The following GPC5 variants were observed in gnomAD, a reference collection of about 807,000 sequenced individuals.
GPC5 encodes the protein glypican-5.
GPC5 carries 47 observed loss-of-function variants against 53.9 expected under a neutral mutation model. That is an observed-to-expected ratio of 0.87 (90% confidence interval 0.69 to 1.11). GPC5 has a LOEUF of 1.11. GPC5 is among the 50% of genes most tolerant of loss of function. The pLI is 0.00. For synonymous variants in GPC5, 286 were observed against 263.3 expected (o/e 1.09, Z -0.84); for missense variants, 748 against 713.1 (o/e 1.05, Z -0.56).
intron 5 of GPC5, among the ~76,000 whole-genome samples, chr13:91,825,034 T>A (rs1438098498): frequency 6.6e-6 from 1 of 151,946 alleles, no homozygotes; most frequent in African/African-American, 2.4e-5. Flanking sequence ...ATCTCAACCA[T>A]GAAATTATAC....
intron 7 of GPC5, among the ~76,000 whole-genome samples, chr13:92,177,210 G>A (rs2042114900): frequency 6.6e-6 from 1 of 152,170 alleles, no homozygotes; most frequent in African/African-American, 2.4e-5. Context: ...ACTTGTATCA[G>A]AACATGTTGT....
intron 7 of GPC5, among the ~76,000 whole-genome samples, chr13:92,260,198 G>C (rs2042756306): frequency 6.6e-6 from 1 of 152,122 alleles, no homozygotes; most frequent in Admixed American, 6.6e-5. Context: ...TGGGTATGGG[G>C]AGGATGCTAA....
chr13:91,587,220 A>G (rs1466155852), intron 2 of GPC5, among the ~76,000 whole-genome samples: 1 of 152,172 alleles, frequency 6.6e-6, no homozygotes. Flanking sequence ...TGTTATTTTA[A>G]GATGAAATGA....
rs150024252 is a variant in GPC5, at chr13:92,752,449, A to G, written c.1562-113833A>G. 2.0e-3 allele frequency among the ~76,000 whole-genome samples: 301 copies of G among 152,310 alleles called. 4 individuals carry two copies. The East Asian group carries it at 0.03, about 15-fold the overall frequency. On this transcript the variant is annotated intron_variant, in intron 7 of 7. Transcript: ENST00000377067. ...TGATGGAATTGTTGTAAAGGTAAAA[A>G]AGAGTGCTAAGAATATTTTCTGGAT...
chr13:91,611,022 G>T (rs189664664), intron 2 of GPC5, among the ~76,000 whole-genome samples: 65 of 152,322 alleles, frequency 4.3e-4, no homozygotes, highest in Admixed American at 2.2e-3. Context: ...CAGCATGTCT[G>T]TTAGAAATTG....
chr13:91,808,642 A>G (rs371333582), intron 5 of GPC5, among the ~76,000 whole-genome samples: 23 of 152,288 alleles, frequency 1.5e-4, no homozygotes, highest in East Asian at 1.3e-3. Context: ...ACTCCTGCCC[A>G]TGAGACTTTG....
intron 7 of GPC5, among the ~76,000 whole-genome samples, chr13:92,523,693 A>G (rs1594274313): frequency 1.3e-5 from 2 of 152,240 alleles, no homozygotes; most frequent in East Asian, 3.9e-4. Flanking sequence ...GAACATGGAA[A>G]TCAACCAACC....
chr13:92,500,207 C>T (rs904165708), intron 7 of GPC5, among the ~76,000 whole-genome samples: 7 of 152,052 alleles, frequency 4.6e-5, no homozygotes, highest in Admixed American at 1.3e-4. Context: ...GTCCCACAGA[C>T]CCTGACCCAA....
At chr13:91,992,928 T>A (rs1566382757) in intron 6 of GPC5, among the ~76,000 whole-genome samples, 1 of 152,192 alleles carries the variant, frequency 6.6e-6, no homozygotes, top group Non-Finnish European at 1.5e-5. Context: ...AAAAGTTATC[T>A]CCACTTGTAG....
chr13:91,528,206 A>G (rs968857809), intron 2 of GPC5, among the ~76,000 whole-genome samples: 1 of 152,098 alleles, frequency 6.6e-6, no homozygotes, highest in African/African-American at 2.4e-5. Context: ...TTTTAAACAT[A>G]AGTTACAATT....
chr13:91,961,556 T>C (rs910922558), intron 6 of GPC5, among the ~76,000 whole-genome samples: 4 of 152,010 alleles, frequency 2.6e-5, no homozygotes, highest in Admixed American at 6.6e-5. Context: ...GAAATGCACA[T>C]GTGTAACAAA....
intron 7 of GPC5, among the ~76,000 whole-genome samples, chr13:92,254,006 C>G (rs1223978427): frequency 6.6e-6 from 1 of 151,994 alleles, no homozygotes; most frequent in Admixed American, 6.6e-5. Flanking sequence ...GATTCCACCC[C>G]TAAGCTTGAA....
rs141875350 is a variant in GPC5, at chr13:91,808,437, C to T, written c.1280+52017C>T. Reference sequence around the variant, plus strand: ...TGCATCTTTGAACTGACACTGAACACGTGGACTCTAATTAGTTATTTTACA... The same window carrying T: ...TGCATCTTTGAACTGACACTGAACATGTGGACTCTAATTAGTTATTTTACA... On this transcript the variant is annotated intron_variant, in intron 5 of 7. Coordinates refer to ENST00000377067, the MANE Select transcript of GPC5 (RefSeq NM_004466.6). Among the ~76,000 whole-genome samples, 597 of 152,192 alleles carry T rather than the reference C, an allele frequency of 3.9e-3. 3 individuals carry two copies. Among genetic ancestry groups the T allele is most frequent in the Admixed American group, 6.7e-3 (103 of 15,270 alleles).
At chr13:91,831,925 T>C (rs2038664669) in intron 5 of GPC5, among the ~76,000 whole-genome samples, 1 of 152,136 alleles carries the variant, frequency 6.6e-6, no homozygotes, top group East Asian at 1.9e-4. Flanking sequence ...CTGAGAATTA[T>C]GCATATTCTA....
At chr13:91,498,377 C>T (rs753858561) in intron 2 of GPC5, among the ~76,000 whole-genome samples, 3 of 150,970 alleles carry the variant, frequency 2.0e-5, no homozygotes, top group Non-Finnish European at 4.4e-5. Context: ...ACTGAGTGAA[C>T]GAGTAAAGGA....
At chr13:92,284,764 GA>G (rs1477426280) in intron 7 of GPC5, among the ~76,000 whole-genome samples, 1 of 152,144 alleles carries the variant, frequency 6.6e-6, no homozygotes, top group Non-Finnish European at 1.5e-5. Flanking sequence ...AGCTATTTAT[GA>G]CAAACTCACA....
intron 6 of GPC5, among the ~76,000 whole-genome samples, chr13:92,092,417 G>T (rs557209638): frequency 6.6e-6 from 1 of 152,168 alleles, no homozygotes; most frequent in South Asian, 2.1e-4. Flanking sequence ...TTCTGTATGG[G>T]CAAAAAGAAA....
chr13:92,091,665 A>T (rs2138897071), intron 6 of GPC5, among the ~76,000 whole-genome samples: 1 of 151,818 alleles, frequency 6.6e-6, no homozygotes, highest in East Asian at 1.9e-4. Context: ...TATTTTCTGC[A>T]TGTCACATAC....
chr13:91,722,053 A>G (rs1443983854), intron 3 of GPC5, among the ~76,000 whole-genome samples: 1 of 152,230 alleles, frequency 6.6e-6, no homozygotes, highest in African/African-American at 2.4e-5. Context: ...GTATTGATTG[A>G]CATTGTCATC....
Sources: allele counts gnomAD v4.1 joint callset (sites outside exome capture counted in the v4.1 genomes callset), GRCh38; gene constraint gnomAD v4.1.1; transcripts MANE v1.5; gene names NCBI Gene and HGNC (gene_info 2026-07-23, HGNC 2026-07-21).